DTHD1: variants seen among roughly 807,000 people sequenced by gnomAD.
The protein encoded by DTHD1 is death domain-containing protein 1.
DTHD1 carries 59 observed loss-of-function variants against 74.8 expected under a neutral mutation model. The ratio of observed to expected loss-of-function variants is 0.79; its 90% CI spans 0.64 to 0.98. The LOEUF is 0.98. Ranked by LOEUF, DTHD1 falls within the 50% of genes least tolerant of loss-of-function variation. The probability of loss-of-function intolerance (pLI) is 0.00; values close to 1 mark genes in which losing one functional copy is unlikely to be tolerated. For missense variants in DTHD1, 1,051 were observed against 1,065.4 expected (o/e 0.99, Z 0.19); for synonymous variants, 365 against 371.1 (o/e 0.98, Z 0.19).
chr4:36,334,358 G>GTTTTTT (rs34455692), intron 8 of DTHD1, among the ~76,000 whole-genome samples: 4 of 138,906 alleles, frequency 2.9e-5, no homozygotes, highest in African/African-American at 2.6e-5. Flanking sequence ...ATTTTTTTTG[G>GTTTTTT]TTTTTTTTTT....
rs1186282935 is a variant in DTHD1, at chr4:36,343,072, AGAGC to A, written c.2399-426_2399-423del. 4.0e-5 allele frequency among the ~76,000 whole-genome samples: 6 copies of A among 151,830 alleles called. No homozygotes were observed. In the East Asian group the frequency reaches 1.2e-3, roughly 30 times the overall value. On this transcript the variant is annotated intron_variant, in intron 9 of 9. Coordinates refer to ENST00000639862, the MANE Select transcript of DTHD1 (RefSeq NM_001170700.3). ...CACGACTGCACTCCAGCCTGGAGAC[AGAGC>A]GAGACTCAACAAACAAACAAACAAA...
chr4:36,308,863 A>T (rs1757216334), intron 7 of DTHD1, among the ~76,000 whole-genome samples: 1 of 152,178 alleles, frequency 6.6e-6, no homozygotes, highest in African/African-American at 2.4e-5. Flanking sequence ...GTGATCATTT[A>T]AAAACATAAA....
chr4:36,295,988 G>A (rs1260499398), intron 5 of DTHD1, among the ~76,000 whole-genome samples: 1 of 152,020 alleles, frequency 6.6e-6, no homozygotes. Context: ...AGTGCTGATT[G>A]GTTACTAGAA....
At position 36,343,637 on chromosome 4, in the gene DTHD1, C is replaced by G. The variant is rs1759444171; in HGVS notation, c.2534C>G (p.Thr845Arg). 6.4e-7 allele frequency: 1 copy of G among 1,551,950 alleles called. No individual in the cohort carries two copies. The highest frequency in any genetic ancestry group is 2.0e-5 in the Admixed American group (1 of 51,016). ...LIKLKNPDDL[T>R]EQIHEFLCFW... ...AAACTCAAGAACCCTGATGATCTCA[C>G]AGAACAGATCCACGAGTTTCTTTGC... The change falls in exon 10 of 10, where the codon ACA (threonine) becomes AGA (arginine). Residue 845 changes from threonine (T) to arginine (R), a missense_variant. Transcript: ENST00000639862.
rs1385467389 is a variant in DTHD1 at position 36,316,247 on chromosome 4, G to A, written c.2101G>A (p.Gly701Arg). 11 of 1,549,632 alleles carry A rather than the reference G, an allele frequency of 7.1e-6. No homozygotes were observed. The highest frequency in any genetic ancestry group is 2.7e-5 in the African/African-American group (2 of 72,744). The change falls in exon 8 of 10, where the codon GGG becomes AGG. Residue 701 changes from glycine to arginine, a missense_variant. Coordinates refer to ENST00000639862, the MANE Select transcript of DTHD1 (RefSeq NM_001170700.3). ...FTGNIFASSNGKDYGKDYTLI... is the reference protein window; with the variant it reads ...FTGNIFASSNRKDYGKDYTLI... Reference sequence around the variant, plus strand: ...TACATTTTACTTCTATTTAGGCAACGGGAAGGATTATGGAAAAGACTACAC... The same window carrying A: ...TACATTTTACTTCTATTTAGGCAACAGGAAGGATTATGGAAAAGACTACAC...
chr4:36,297,914 TTG>T lies in DTHD1; in HGVS notation c.1643+2894_1643+2895del, dbSNP rs141268493. Among the ~76,000 whole-genome samples the T allele has an allele frequency of 0.016, 2,403 of 148,188 alleles. 116 individuals carry two copies. The East Asian group carries it at 0.18, about 11-fold the overall frequency. ...TTTTTTAGCTTTTGAGTTCATATAATTGTGTGTGTGTGTGTGTGTGCACGTGT... is the reference window on the plus strand; with the variant it reads ...TTTTTTAGCTTTTGAGTTCATATAATTGTGTGTGTGTGTGTGTGCACGTGT... On this transcript the variant is annotated intron_variant, in intron 5 of 9. Coordinates refer to ENST00000639862, the MANE Select transcript of DTHD1 (RefSeq NM_001170700.3).
intron 9 of DTHD1, among the ~76,000 whole-genome samples, chr4:36,340,886 G>A (rs911122397): frequency 2.6e-5 from 4 of 152,066 alleles, no homozygotes; most frequent in African/African-American, 9.7e-5. Context: ...AGAGTTAGCA[G>A]GGGGAAAAGA....
rs1329772224 is a variant in DTHD1 at position 36,284,044 on chromosome 4, A to G, written c.340A>G (p.Lys114Glu). 4 of 1,537,078 alleles carry G rather than the reference A, an allele frequency of 2.6e-6. No homozygotes were observed. The highest frequency in any genetic ancestry group is 2.6e-6 in the Non-Finnish European group (3 of 1,146,878). The change falls in exon 2 of 10, where the codon AAG becomes GAG. Residue 114 changes from lysine (K) to glutamate (E), a missense_variant. Transcript: ENST00000639862. ...EHLGSTAALL[K>E]KEEKEICNLC... ...TTTGGGGAGCACTGCTGCACTTCTA[A>G]AGAAAGAAGAAAAGGAGATTTGTAA...
chr4:36,282,107 T>G, intron 1 of DTHD1, 78 bp downstream of exon 1: 2 of 1,203,412 alleles, frequency 1.7e-6, no homozygotes, highest in Non-Finnish European at 2.2e-6. Context: ...GCTATGAGTA[T>G]ACCAGATAGG....
Position 36,295,032 on chromosome 4 carries a change from T to C in DTHD1, c.1636T>C (p.Phe546Leu). The C allele has an allele frequency of 6.5e-7, 1 of 1,534,022 alleles. No homozygotes were observed. ...ATINRITPSY[F>L]NRTKIASIRK... The stretch of plus-strand genomic sequence containing the variant: ...AATAAATAGGATTACACCTTCGTAT[T>C]TCAACCGGTGAGTAAGTTTCTAATA... The change falls in exon 5 of 10, where the codon TTC becomes CTC. Residue 546 changes from phenylalanine to leucine, a missense_variant. By Grantham distance (22) the Phe-to-Leu change is conservative (BLOSUM62 0). Coordinates refer to ENST00000639862, the MANE Select transcript of DTHD1 (RefSeq NM_001170700.3).
intron 9 of DTHD1, among the ~76,000 whole-genome samples, chr4:36,339,671 C>T: frequency 6.6e-6 from 1 of 152,172 alleles, no homozygotes; most frequent in African/African-American, 2.4e-5. Flanking sequence ...AACTTTTATT[C>T]TATTTTAGCT....
intron 5 of DTHD1, among the ~76,000 whole-genome samples, chr4:36,303,531 C>T (rs1467267434): frequency 6.6e-6 from 1 of 152,152 alleles, no homozygotes; most frequent in African/African-American, 2.4e-5. Flanking sequence ...TCCTCTGTGC[C>T]AATTCCATTC....
At chr4:36,310,570 G>T (rs1560801777) in intron 7 of DTHD1, among the ~76,000 whole-genome samples, 2 of 152,070 alleles carry the variant, frequency 1.3e-5, no homozygotes, top group African/African-American at 2.4e-5. Context: ...GAGGGGATGT[G>T]CTCCGTTTAC....
At chr4:36,311,956 G>A (rs1441541491) in intron 7 of DTHD1, among the ~76,000 whole-genome samples, 1 of 152,156 alleles carries the variant, frequency 6.6e-6, no homozygotes, top group Non-Finnish European at 1.5e-5. Flanking sequence ...CACTTATAGA[G>A]AATATGAATG....
rs886037840 is a variant in DTHD1, at chr4:36,282,014, T to C, written c.256T>C (p.Cys86Arg). The part of the protein sequence containing the change: ...LHVLLDKENQ[C>R]VSRKEIITFI... ...TGTGCTGCTTGACAAAGAGAATCAATGTGTCTCGAGAAAAGGCAAGTATTC... is the reference window on the plus strand; with the variant it reads ...TGTGCTGCTTGACAAAGAGAATCAACGTGTCTCGAGAAAAGGCAAGTATTC... The change falls in exon 1 of 10, where the codon TGT becomes CGT. Residue 86 changes from cysteine (C) to arginine (R), a missense_variant. By Grantham distance (180) the Cys-to-Arg change is radical. Transcript: ENST00000639862. 1.5e-5 allele frequency: 23 copies of C among 1,525,338 alleles called. No individual in the cohort carries two copies. The highest frequency in any genetic ancestry group is 1.7e-4 in the Middle Eastern group (1 of 5,846). 94.5% of individuals were successfully genotyped at this position (1,525,338 alleles called of 1,614,324 possible).
intron 8 of DTHD1, among the ~76,000 whole-genome samples, chr4:36,332,535 C>T (rs16992086): frequency 0.29 from 44,152 of 152,052 alleles, 6,750 homozygotes; most frequent in South Asian, 0.4. Flanking sequence ...ATTGTCTTTC[C>T]GCTGCATTGT....
chr4:36,290,754 A>G, intron 3 of DTHD1, 51 bp downstream of exon 3: 1 of 1,346,690 alleles, frequency 7.4e-7, no homozygotes, highest in Non-Finnish European at 1.0e-6. Context: ...TCCTCTTATA[A>G]ATATCACTCA....
At chr4:36,294,476 C>G (rs1485543536) in intron 4 of DTHD1, among the ~76,000 whole-genome samples, 1 of 151,940 alleles carries the variant, frequency 6.6e-6, no homozygotes, top group Non-Finnish European at 1.5e-5. Context: ...CTAACAATTT[C>G]TAATTAGAAA....
intron 3 of DTHD1, among the ~76,000 whole-genome samples, 157 bp from the exon 4 acceptor site, chr4:36,293,369 T>A (rs1019951944): frequency 2.6e-5 from 4 of 152,242 alleles, no homozygotes; most frequent in African/African-American, 4.8e-5. Context: ...CTTAATCTCA[T>A]ATAATGACCA....
Sources: gnomAD v4.1 joint callset for allele counts (sites outside exome capture counted in the v4.1 genomes callset) on GRCh38, gnomAD v4.1.1 for gene constraint, MANE v1.5 for transcripts, NCBI Gene and HGNC (gene_info 2026-07-23, HGNC 2026-07-21) for gene names.